EDRF1: variants seen among roughly 807,000 people sequenced by gnomAD.
EDRF1 encodes erythroid differentiation-related factor 1.
In EDRF1, 69 loss-of-function variants were observed where a neutral mutation model predicts 148.7. The observed-to-expected ratio is 0.46, with a 90% CI of 0.38 to 0.57. The LOEUF is 0.57. Among genes scored for constraint, EDRF1 ranks in the 20% least tolerant of loss-of-function variants. The probability of loss-of-function intolerance (pLI) is 0.00; values close to 1 mark genes in which losing one functional copy is unlikely to be tolerated. For missense variants in EDRF1, 1,118 were observed against 1,478.7 expected, an observed-to-expected ratio of 0.76 and a Z score of 4.00; for synonymous variants, 515 against 532.8, an observed-to-expected ratio of 0.97 and a Z score of 0.46.
At position 125,731,513 on chromosome 10, in the gene EDRF1, A is replaced by G. The variant is rs182465208; in HGVS notation, c.1128+1114A>G. Among the ~76,000 whole-genome samples, 15 of 152,364 alleles carry G rather than the reference A, an allele frequency of 9.8e-5. No homozygotes were observed. The East Asian group carries it at 2.3e-3, about 24-fold the overall frequency. On this transcript the variant is annotated intron_variant, in intron 9 of 24. Transcript: ENST00000356792. ...AGGATTTATGTAGCAGAATAGCTGC[A>G]AGTAAGGTTGGAAAAGTCATGGTCA... is the stretch of plus-strand genomic sequence containing the variant.
At position 125,735,849 on chromosome 10, in the gene EDRF1, A is replaced by G; in HGVS notation, c.1703A>G (p.Lys568Arg). The change falls in exon 13 of 25, where the codon AAG (lysine) becomes AGG (arginine). Residue 568 changes from lysine to arginine, a missense_variant. Physicochemically the swap from Lys to Arg is conservative, Grantham distance 26. Around this residue, in one of 3 missense-constraint regions of EDRF1, gnomAD observed 954 missense variants for 1,241.4 expected, o/e 0.77. Transcript: ENST00000356792. ...GATAGCAAAGCAGTAGCTATAATCA[A>G]GTCTGTTGGAGAACTATCAGTACCA... is the stretch of plus-strand genomic sequence containing the variant. ...SDDSKAVAII[K>R]SVGELSVPEK... is the part of the protein sequence containing the mutation. 6.2e-7 allele frequency: 1 copy of G among 1,613,026 alleles called. No individual in the cohort carries two copies. The highest frequency in any genetic ancestry group is 1.1e-5 in the South Asian group (1 of 90,938).
At chr10:125,734,612 G>A (rs879427641) in intron 12 of EDRF1, among the ~76,000 whole-genome samples, 4 of 151,884 alleles carry the variant, frequency 2.6e-5, no homozygotes, top group South Asian at 2.1e-4. Flanking sequence ...TTGTTTTGTC[G>A]CTATTAGACC....
At chr10:125,752,962 C>A in intron 23 of EDRF1, 48 bp downstream of exon 23, 1 of 1,324,320 alleles carries the variant, frequency 7.6e-7, no homozygotes, top group Non-Finnish European at 1.1e-6. Flanking sequence ...TCTTAAGCTA[C>A]ATGGTGAATG....
At chr10:125,734,245 C>T in intron 12 of EDRF1, 62 bp downstream of exon 12, 2 of 1,275,166 alleles carry the variant, frequency 1.6e-6, no homozygotes, top group Non-Finnish European at 2.3e-6. Flanking sequence ...AGATTGTTAC[C>T]TAGACAGTAA....
Position 125,728,991 on chromosome 10 carries a change from C to A in EDRF1, c.793-12C>A. ...ACAGCAGAATCACTCCTTATCCTTG[C>A]ACTTTTCACAGGGAAGTGAGCCTCT... On this transcript the variant is annotated splice_polypyrimidine_tract_variant and intron_variant, in intron 6 of 24. Transcript: ENST00000356792. 1.3e-6 allele frequency: 2 copies of A among 1,562,346 alleles called. No homozygotes were observed. The highest frequency in any genetic ancestry group is 1.7e-6 in the Non-Finnish European group (2 of 1,160,544).
chr10:125,730,244 A>G, intron 8 of EDRF1, 44 bp from the exon 9 acceptor site: 1 of 1,382,112 alleles, frequency 7.2e-7, no homozygotes, highest in Non-Finnish European at 1.0e-6. Context: ...TAATTAAGGA[A>G]CATCTTAATT....
chr10:125,726,200 C>T (rs1848252248), intron 6 of EDRF1, among the ~76,000 whole-genome samples: 1 of 151,942 alleles, frequency 6.6e-6, no homozygotes, highest in Non-Finnish European at 1.5e-5. Context: ...ACTATTTTAA[C>T]TATAAATATC....
At chr10:125,752,184 C>CAGGACATTTCA (rs1849678232) in intron 22 of EDRF1, 1 of 152,954 alleles carries the variant, frequency 6.5e-6, no homozygotes, top group Non-Finnish European at 1.5e-5. Flanking sequence ...TCTTACCGGG[C>CAGGACATTTCA]AGGACATTTC....
Position 125,753,739 on chromosome 10 carries a change from C to T in EDRF1, c.3439C>T (p.Leu1147Phe), listed in dbSNP as rs763245862. 3.1e-6 allele frequency: 5 copies of T among 1,613,902 alleles called. No homozygotes were observed. In the South Asian group the frequency reaches 4.4e-5, roughly 14 times the overall value. ...TGCAGCTGCTGATGCTTCTCCTAGT[C>T]TCAATCGAGAAGAAGTGATGAAACT... ...AAAAADASPS[L>F]NREEVMKLLS... Residue 1147 changes from leucine (L) to phenylalanine (F), a missense_variant, in exon 24 of 25, where the codon CTC (leucine) becomes TTC (phenylalanine). Transcript: ENST00000356792.
chr10:125,740,028 G>A (rs1224907235), intron 15 of EDRF1, among the ~76,000 whole-genome samples: 2 of 152,202 alleles, frequency 1.3e-5, no homozygotes, highest in Admixed American at 1.3e-4. Context: ...TTGGCTGATG[G>A]GTAGTAGGAT....
intron 24 of EDRF1, among the ~76,000 whole-genome samples, chr10:125,759,780 G>C (rs925342088): frequency 2.6e-5 from 4 of 151,560 alleles, no homozygotes; most frequent in Admixed American, 1.3e-4. Context: ...GCGCAATCTC[G>C]GCTCACTGCA....
At chr10:125,730,528 A>G in intron 9 of EDRF1, 129 bp downstream of exon 9, 1 of 737,444 alleles carries the variant, frequency 1.4e-6, no homozygotes, top group Non-Finnish European at 2.5e-6. Flanking sequence ...GAATAAACTG[A>G]ATTTGAGTGT....
At chr10:125,752,612 C>G (rs956110443) in intron 22 of EDRF1, among the ~76,000 whole-genome samples, 187 bp from the exon 23 acceptor site, 1 of 152,150 alleles carries the variant, frequency 6.6e-6, no homozygotes, top group African/African-American at 2.4e-5. Context: ...TTATTTATTG[C>G]TTTGTCCAGA....
chr10:125,737,799 G>A, intron 13 of EDRF1, 119 bp from the exon 14 acceptor site: 1 of 973,746 alleles, frequency 1.0e-6, no homozygotes, highest in East Asian at 2.4e-5. Context: ...TATGTTGTAG[G>A]ATCTTTTTAA....
At position 125,733,478 on chromosome 10, in the gene EDRF1, C is replaced by T. The variant is rs148134506; in HGVS notation, c.1203C>T (p.Asp401=). ...ATTTTTCTACTAAAGTCATAAAAGA[C>T]ATTGCACAGAATATTTTATCATTTT... The part of the protein sequence containing the change: ...NSNFSTKVIK[D]IAQNILSFLK... Residue 401 remains aspartate, a synonymous_variant, in exon 10 of 25, where the codon GAC becomes GAT. Coordinates refer to ENST00000356792, the MANE Select transcript of EDRF1 (RefSeq NM_001202438.2). The T allele has an allele frequency of 1.4e-5, 23 of 1,589,028 alleles. No homozygotes were observed. In the African/African-American group the frequency reaches 2.8e-4, roughly 19 times the overall value.
rs1589888093 is a variant in EDRF1, at chr10:125,763,723, T to G, written c.*251T>G. On this transcript the variant is annotated 3_prime_UTR_variant, in exon 25 of 25. Transcript: ENST00000356792. The surrounding 1 kb of genome is among the most constrained non-coding windows in gnomAD (Gnocchi z 4.3). ...ATGTCTTTGAGAAGTATGTAGTACC[T>G]CGGTATTAACAGACCTGCTGTGATG... 1.9e-6 allele frequency: 1 copy of G among 539,340 alleles called. No individual in the cohort carries two copies. The highest frequency in any genetic ancestry group is 3.3e-5 in the East Asian group (1 of 30,402). 33.4% of individuals were successfully genotyped at this position (539,340 alleles called of 1,614,324 possible).
intron 17 of EDRF1, chr10:125,741,529 C>T: frequency 5.7e-6 from 2 of 348,240 alleles, no homozygotes; most frequent in Non-Finnish European, 5.6e-6. Flanking sequence ...GTGTGAGCCA[C>T]CACGCCTGGC....
chr10:125,725,626 G>A lies in EDRF1; in HGVS notation c.636-56G>A, dbSNP rs908873999. The A allele has an allele frequency of 5.6e-6, 9 of 1,607,568 alleles. No homozygotes were observed. The East Asian group carries it at 1.8e-4, about 32-fold the overall frequency. On this transcript the variant is annotated intron_variant, in intron 5 of 24. Coordinates refer to ENST00000356792, the MANE Select transcript of EDRF1 (RefSeq NM_001202438.2). ...TGTAGTTTTTATAAACGGGTAGACT[G>A]TTGCATGAAGTTAACTTTAGTAACA...
chr10:125,724,660 G>T (rs1047964991), intron 4 of EDRF1, among the ~76,000 whole-genome samples: 1 of 152,148 alleles, frequency 6.6e-6, no homozygotes, highest in African/African-American at 2.4e-5. Flanking sequence ...ATGCTCTTTA[G>T]CCTAGATTCT....
Sources: allele counts gnomAD v4.1 joint callset (sites outside exome capture counted in the v4.1 genomes callset), GRCh38; gene constraint gnomAD v4.1.1; regional missense constraint gnomAD v4.1.1; non-coding constraint Gnocchi (gnomAD v3.1); transcripts MANE v1.5; gene names NCBI Gene and HGNC (gene_info 2026-07-23, HGNC 2026-07-21).